The following ZNF451 variants were observed in gnomAD, a reference collection of about 807,000 sequenced individuals.
The protein encoded by ZNF451 is E3 SUMO-protein ligase ZNF451.
In ZNF451, 80 loss-of-function variants were observed where a neutral mutation model predicts 107.1. That is an observed-to-expected ratio of 0.75 (90% CI 0.62 to 0.90). The LOEUF (loss-of-function observed/expected upper bound fraction) is 0.90, where lower values mean the gene tolerates loss of function less well. ZNF451 is among the 40% of genes least tolerant of loss of function. The probability of loss-of-function intolerance (pLI) is 0.00; values close to 1 mark genes in which losing one functional copy is unlikely to be tolerated. For missense variants in ZNF451, 1,107 were observed against 1,236.2 expected (o/e 0.90, Z 1.57); for synonymous variants, 362 against 406.5 (o/e 0.89, Z 1.32).
intron 13 of ZNF451, among the ~76,000 whole-genome samples, chr6:57,157,046 C>G (rs1763461659): frequency 6.6e-6 from 1 of 152,164 alleles, no homozygotes; most frequent in Admixed American, 6.5e-5. Flanking sequence ...GTTGGGGACT[C>G]CTGCTATAAG....
At chr6:57,115,123 G>A (rs1303077971) in intron 3 of ZNF451, 1 of 152,174 alleles carries the variant, frequency 6.6e-6, no homozygotes, top group Non-Finnish European at 1.5e-5. Flanking sequence ...TGCTGGGAGT[G>A]TTGGTACATG....
chr6:57,102,085 T>A, intron 3 of ZNF451: 1 of 1,507,474 alleles, frequency 6.6e-7, no homozygotes, highest in Non-Finnish European at 8.8e-7. Flanking sequence ...ACGCCATGGG[T>A]ACAAGAATTA....
chr6:57,122,001 C>G (rs570125529), intron 3 of ZNF451, among the ~76,000 whole-genome samples: 22 of 152,240 alleles, frequency 1.4e-4, no homozygotes, highest in African/African-American at 5.1e-4. Context: ...AGTAACCAAA[C>G]CAGTATGGTA....
chr6:57,124,977 A>G, intron 4 of ZNF451, 118 bp downstream of exon 4: 1 of 535,428 alleles, frequency 1.9e-6, no homozygotes, highest in Non-Finnish European at 2.8e-6. Context: ...TGTACCCTAG[A>G]TAGCTCATGA....
chr6:57,106,163 G>A (rs1829843647), intron 3 of ZNF451: 1 of 985,332 alleles, frequency 1.0e-6, no homozygotes, highest in African/African-American at 1.7e-5. Flanking sequence ...GAATCCCTTT[G>A]TCTGGTAAAA....
intron 14 of ZNF451, among the ~76,000 whole-genome samples, chr6:57,162,315 G>T (rs893153685): frequency 6.6e-6 from 1 of 152,136 alleles, no homozygotes; most frequent in Non-Finnish European, 1.5e-5. Context: ...GTTTGACTAA[G>T]AGCATACTAG....
intron 3 of ZNF451, among the ~76,000 whole-genome samples, chr6:57,119,357 T>C (rs1219124637): frequency 6.6e-6 from 1 of 152,060 alleles, no homozygotes; most frequent in Non-Finnish European, 1.5e-5. Flanking sequence ...AGAAACCCCA[T>C]CTTTACTAAA....
intron 12 of ZNF451, among the ~76,000 whole-genome samples, chr6:57,153,611 C>G (rs935996573): frequency 3.9e-5 from 6 of 152,036 alleles, no homozygotes; most frequent in Admixed American, 3.9e-4. Flanking sequence ...CCGCGTTTCA[C>G]CATGTTGGCC....
At chr6:57,092,230 C>T (rs1562582789) in intron 2 of ZNF451, among the ~76,000 whole-genome samples, 1 of 152,102 alleles carries the variant, frequency 6.6e-6, no homozygotes, top group African/African-American at 2.4e-5. Context: ...ACACGAGTAG[C>T]ATCTCTTAAT....
chr6:57,103,616 C>T (rs1829710282), intron 3 of ZNF451: 10 of 985,304 alleles, frequency 1.0e-5, no homozygotes, highest in Non-Finnish European at 1.2e-5. Flanking sequence ...GAATACATCA[C>T]CTAGTATTAT....
At chr6:57,118,324 A>G (rs1292805794) in intron 3 of ZNF451, among the ~76,000 whole-genome samples, 2 of 152,158 alleles carry the variant, frequency 1.3e-5, no homozygotes, top group African/African-American at 4.8e-5. Context: ...GTTAAAGTTT[A>G]AAACCTAGAA....
Position 57,147,365 on chromosome 6 carries a change from T to TG in ZNF451, c.1280_1281insG (p.Lys428Ter). 1 of 1,614,092 alleles carries TG rather than the reference T, an allele frequency of 6.2e-7. No individual in the cohort carries two copies. The highest frequency in any genetic ancestry group is 8.5e-7 in the Non-Finnish European group (1 of 1,179,966). ...TTGGATCAATCAAAATTTTCATCAC[T>TG]TAAAAGAACCATGTCTATTAAAGAA... On this transcript the variant is annotated frameshift_variant, in exon 10 of 15. Coordinates refer to ENST00000370706, the MANE Select transcript of ZNF451 (RefSeq NM_001031623.3). LOFTEE classifies it high-confidence loss of function.
intron 2 of ZNF451, among the ~76,000 whole-genome samples, chr6:57,098,601 A>C (rs1433847219): frequency 6.6e-6 from 1 of 152,202 alleles, no homozygotes; most frequent in African/African-American, 2.4e-5. Context: ...GTTGATGAAG[A>C]AATTGGCATG....
At chr6:57,094,070 T>C (rs904193159) in intron 2 of ZNF451, among the ~76,000 whole-genome samples, 9 of 152,230 alleles carry the variant, frequency 5.9e-5, no homozygotes, top group African/African-American at 2.2e-4. Flanking sequence ...TAGTAGACCA[T>C]ATTTTGGTGT....
chr6:57,104,067 T>C (rs1829732540), intron 3 of ZNF451: 5 of 984,698 alleles, frequency 5.1e-6, no homozygotes, highest in Non-Finnish European at 6.0e-6. Flanking sequence ...AGCCCAGTCA[T>C]ATCAAGAGTT....
At chr6:57,158,383 A>C (rs550868082) in intron 13 of ZNF451, 1 of 403,452 alleles carries the variant, frequency 2.5e-6, no homozygotes. Flanking sequence ...GTCAGAAGAA[A>C]TGATTTGGTT....
intron 9 of ZNF451, among the ~76,000 whole-genome samples, chr6:57,142,860 T>C (rs1056973683): frequency 6.6e-6 from 1 of 152,228 alleles, no homozygotes; most frequent in African/African-American, 2.4e-5. Context: ...ACATTTGATA[T>C]TGCCACTCTT....
At chr6:57,109,151 G>A in intron 3 of ZNF451, 1 of 985,332 alleles carries the variant, frequency 1.0e-6, no homozygotes, top group East Asian at 1.1e-4. Context: ...TTCTCCCATT[G>A]AGATTTCACT....
chr6:57,138,735 ATATATATGTGTGTGTGTG>A (rs1281676234), intron 7 of ZNF451, among the ~76,000 whole-genome samples: 3 of 104,980 alleles, frequency 2.9e-5, no homozygotes, highest in South Asian at 2.8e-4. Context: ...ATATATATAT[ATATATATGTGTGTGTGTG>A]TGTGTGTGTG....
Sources: gnomAD v4.1 joint callset for allele counts (sites outside exome capture counted in the v4.1 genomes callset) on GRCh38, gnomAD v4.1.1 for gene constraint, MANE v1.5 for transcripts, NCBI Gene and HGNC (gene_info 2026-07-23, HGNC 2026-07-21) for gene names.